Variants in RANBP3L observed in about 807,000 individuals in gnomAD.
RANBP3L encodes RAN binding protein 3 like, also known as ran-binding protein 3-like.
In RANBP3L, 56 loss-of-function variants were observed where a neutral mutation model predicts 67.2. That is an observed-to-expected ratio of 0.83 (90% CI 0.67 to 1.04). The LOEUF is 1.04. Among genes scored for constraint, RANBP3L ranks in the 50% least tolerant of loss-of-function variants. The pLI, the probability that RANBP3L is intolerant of heterozygous loss-of-function variation, is 0.00. For synonymous variants in RANBP3L, 164 were observed against 181.4 expected, an observed-to-expected ratio of 0.90 and a Z score of 0.77; for missense variants, 496 against 535.5, an observed-to-expected ratio of 0.93 and a Z score of 0.73.
intron 1 of RANBP3L, among the ~76,000 whole-genome samples, chr5:36,295,675 T>G (rs1410479474): frequency 5.3e-3 from 152 of 28,810 alleles, no homozygotes; most frequent in African/African-American, 9.2e-3. Context: ...TATATCCTGT[T>G]TTTTTTTTTT....
chr5:36,254,048 C>G (rs543254091), intron 11 of RANBP3L, among the ~76,000 whole-genome samples: 1 of 152,036 alleles, frequency 6.6e-6, no homozygotes, highest in Admixed American at 6.6e-5. Flanking sequence ...CTTTTAAGAA[C>G]TGATGGTCTG....
intron 6 of RANBP3L, 70 bp from the exon 7 acceptor site, chr5:36,262,112 CA>C: frequency 5.3e-6 from 4 of 757,704 alleles, no homozygotes; most frequent in Non-Finnish European, 9.1e-6. Flanking sequence ...GACAAGGAAA[CA>C]ATAGTTATAG....
intron 1 of RANBP3L, among the ~76,000 whole-genome samples, chr5:36,293,168 G>A (rs1244309297): frequency 2.5e-5 from 2 of 79,102 alleles, no homozygotes; most frequent in Admixed American, 2.7e-4. Context: ...AAGCAATTGT[G>A]AATGGGAGTT....
chr5:36,296,030 T>C (rs1752192627), intron 1 of RANBP3L, among the ~76,000 whole-genome samples: 1 of 152,172 alleles, frequency 6.6e-6, no homozygotes. Context: ...GGGAGCTTCC[T>C]GATACTAAGA....
chr5:36,281,676 C>T (rs1750984524), intron 1 of RANBP3L, among the ~76,000 whole-genome samples: 1 of 152,122 alleles, frequency 6.6e-6, no homozygotes, highest in Non-Finnish European at 1.5e-5. Context: ...TAAAACACTG[C>T]AAGATGCTTC....
intron 5 of RANBP3L, 46 bp downstream of exon 5, chr5:36,265,403 G>A (rs777685749): frequency 1.6e-6 from 2 of 1,252,316 alleles, no homozygotes; most frequent in South Asian, 2.5e-5. Context: ...AAATATAGGT[G>A]GTAAAATATA....
intron 1 of RANBP3L, among the ~76,000 whole-genome samples, chr5:36,286,914 C>G (rs1013096046): frequency 2.6e-5 from 4 of 152,194 alleles, no homozygotes; most frequent in Non-Finnish European, 5.9e-5. Flanking sequence ...TAAATCAGAT[C>G]TCCATTATGA....
intron 12 of RANBP3L, among the ~76,000 whole-genome samples, chr5:36,251,760 T>C (rs978671882): frequency 1.3e-5 from 2 of 152,186 alleles, no homozygotes; most frequent in Non-Finnish European, 2.9e-5. Flanking sequence ...AAAATTTCTA[T>C]TTGAATTTTT....
intron 1 of RANBP3L, among the ~76,000 whole-genome samples, chr5:36,292,172 G>A (rs190070273): frequency 8.3e-4 from 126 of 152,242 alleles, no homozygotes; most frequent in African/African-American, 2.9e-3. Context: ...ATTTTTTCAC[G>A]TATTTTTTGG....
rs941128263 is a variant in RANBP3L at position 36,247,956 on chromosome 5, C to T, written c.*1698G>A. On this transcript the variant is annotated 3_prime_UTR_variant, in exon 14 of 14. Transcript: ENST00000296604. ...TCACTTTAGCAATTTATAGTGCAATCACAATGTTCCCACATCAGCTGAGAT... is the reference window on the plus strand; with the variant it reads ...TCACTTTAGCAATTTATAGTGCAATTACAATGTTCCCACATCAGCTGAGAT... Among the ~76,000 whole-genome samples, 3 of 152,200 alleles carry T rather than the reference C, an allele frequency of 2.0e-5. No individual in the cohort carries two copies. Among genetic ancestry groups the T allele is most frequent in the Admixed American group, 1.3e-4 (2 of 15,286 alleles).
chr5:36,285,704 AG>A (rs1245140876), intron 1 of RANBP3L, among the ~76,000 whole-genome samples: 31 of 152,324 alleles, frequency 2.0e-4, no homozygotes, highest in African/African-American at 7.2e-4. Flanking sequence ...TTTGTACCTC[AG>A]GTATGGTTAC....
At chr5:36,298,110 C>G (rs1752356809) in intron 1 of RANBP3L, among the ~76,000 whole-genome samples, 1 of 151,668 alleles carries the variant, frequency 6.6e-6, no homozygotes, top group Non-Finnish European at 1.5e-5. Flanking sequence ...ACCAGCCTCA[C>G]CAATATGGTG....
At position 36,248,112 on chromosome 5, in the gene RANBP3L, T is replaced by C. The variant is rs1269217358; in HGVS notation, c.*1542A>G. Among the ~76,000 whole-genome samples, 1 of 152,234 alleles carries C rather than the reference T, an allele frequency of 6.6e-6. No individual in the cohort carries two copies. Among genetic ancestry groups the C allele is most frequent in the African/African-American group, 2.4e-5 (1 of 41,470 alleles). On this transcript the variant is annotated 3_prime_UTR_variant, in exon 14 of 14. Transcript: ENST00000296604. ...CTCTTCTTGATTTTAAAAAAGAGTATTTCTGTTGTCCATTCTTTTTGTCCT... is the reference window on the plus strand; with the variant it reads ...CTCTTCTTGATTTTAAAAAAGAGTACTTCTGTTGTCCATTCTTTTTGTCCT...
intron 1 of RANBP3L, among the ~76,000 whole-genome samples, chr5:36,282,113 T>C (rs1045381575): frequency 6.6e-6 from 1 of 152,174 alleles, no homozygotes; most frequent in African/African-American, 2.4e-5. Context: ...TGGAAATACA[T>C]ATTTAATTTG....
At position 36,264,976 on chromosome 5, in the gene RANBP3L, C is replaced by T. The variant is rs1472064198; in HGVS notation, c.463G>A (p.Glu155Lys). The stretch of plus-strand genomic sequence containing the variant: ...TTTCTCACCTTATTATTTGTTTTTT[C>T]TTTAGTCTTGCAAGATTCCAGTGCC... Reference protein sequence around the residue: ...HKALESCKTKEKTNNKISEGN... With the variant: ...HKALESCKTKKKTNNKISEGN... Residue 155 changes from glutamate to lysine, a missense_variant, in exon 6 of 14, where the codon GAA becomes AAA. By Grantham distance (56) the Glu-to-Lys change is moderately conservative (BLOSUM62 1). Transcript: ENST00000296604. The T allele has an allele frequency of 1.2e-6, 2 of 1,612,122 alleles. No individual in the cohort carries two copies. Among genetic ancestry groups the T allele is most frequent in the African/African-American group, 1.3e-5 (1 of 74,738 alleles).
intron 8 of RANBP3L, among the ~76,000 whole-genome samples, chr5:36,258,058 C>CT (rs1373285652): frequency 4.6e-5 from 7 of 152,078 alleles, no homozygotes; most frequent in African/African-American, 1.7e-4. Context: ...GAAATTTACT[C>CT]TTGCTATCCA....
chr5:36,264,175 A>G (rs1204605391), intron 6 of RANBP3L, among the ~76,000 whole-genome samples: 1 of 151,870 alleles, frequency 6.6e-6, no homozygotes, highest in Admixed American at 6.6e-5. Flanking sequence ...ATTTTTTTAC[A>G]CTTCCGTGTT....
intron 7 of RANBP3L, among the ~76,000 whole-genome samples, chr5:36,261,303 A>G (rs1194432574): frequency 2.0e-5 from 3 of 152,110 alleles, no homozygotes; most frequent in African/African-American, 7.2e-5. Context: ...TGCCTCCCAG[A>G]AACTTTTTTT....
chr5:36,281,660 C>A (rs1016283443), intron 1 of RANBP3L, among the ~76,000 whole-genome samples: 2 of 152,174 alleles, frequency 1.3e-5, no homozygotes, highest in East Asian at 3.9e-4. Context: ...TCAGTTTTGC[C>A]GTCTATAAAA....
Sources: allele counts gnomAD v4.1 joint callset (sites outside exome capture counted in the v4.1 genomes callset), GRCh38; gene constraint gnomAD v4.1.1; transcripts MANE v1.5; gene names NCBI Gene and HGNC (gene_info 2026-07-23, HGNC 2026-07-21).